The following SCAMP1 variants were observed in gnomAD, a reference collection of about 807,000 sequenced individuals.
SCAMP1 encodes secretory carrier membrane protein 1.
SCAMP1 carries 15 observed loss-of-function variants against 41.8 expected under a neutral mutation model. The ratio of observed to expected loss-of-function variants is 0.36; its 90% CI spans 0.24 to 0.55. SCAMP1 has a LOEUF of 0.55. Among genes scored for constraint, SCAMP1 ranks in the 20% least tolerant of loss-of-function variants. The pLI is 0.86. For missense variants in SCAMP1, 341 were observed against 412.6 expected (o/e 0.83, Z 1.50); for synonymous variants, 135 against 136.8 (o/e 0.99, Z 0.09).
intron 6 of SCAMP1, among the ~76,000 whole-genome samples, chr5:78,439,816 A>G (rs1456037304): frequency 1.3e-5 from 2 of 152,206 alleles, no homozygotes; most frequent in African/African-American, 4.8e-5. Context: ...GTGTTATACA[A>G]CTTGGTTCCA....
intron 6 of SCAMP1, among the ~76,000 whole-genome samples, chr5:78,442,118 G>T (rs1008612858): frequency 1.3e-5 from 2 of 151,978 alleles, no homozygotes; most frequent in Non-Finnish European, 2.9e-5. Context: ...GACATAGTAA[G>T]ACCTTGTCTC....
intron 8 of SCAMP1, among the ~76,000 whole-genome samples, chr5:78,466,806 G>T (rs16875431): frequency 0.035 from 5,372 of 152,242 alleles, 339 homozygotes; most frequent in African/African-American, 0.12. Flanking sequence ...GGGCCGAGCA[G>T]TCGTACTTGG....
intron 1 of SCAMP1, among the ~76,000 whole-genome samples, chr5:78,380,507 A>G (rs1300193359): frequency 6.6e-6 from 1 of 152,210 alleles, no homozygotes; most frequent in Non-Finnish European, 1.5e-5. Context: ...AAATGATTAA[A>G]TCAGTGTAGT....
At chr5:78,423,627 A>T (rs755472326) in intron 6 of SCAMP1, among the ~76,000 whole-genome samples, 42 of 151,874 alleles carry the variant, frequency 2.8e-4, no homozygotes, top group Admixed American at 1.2e-3. Context: ...AAAATAAATG[A>T]CTAAAAGCCA....
chr5:78,373,679 A>C (rs1750999181), intron 1 of SCAMP1, among the ~76,000 whole-genome samples: 1 of 152,124 alleles, frequency 6.6e-6, no homozygotes, highest in Non-Finnish European at 1.5e-5. Flanking sequence ...ACATGTTTTC[A>C]TGTAGTTCCT....
At chr5:78,425,585 C>G (rs1053054193) in intron 6 of SCAMP1, among the ~76,000 whole-genome samples, 1 of 152,022 alleles carries the variant, frequency 6.6e-6, no homozygotes, top group Non-Finnish European at 1.5e-5. Context: ...TGTGCAAATA[C>G]TTTTTTGGTA....
In SCAMP1 at chr5:78,480,167, A is replaced by G. The variant is rs1423843838; in HGVS notation, c.*4499A>G. On this transcript the variant is annotated 3_prime_UTR_variant, in exon 9 of 9. Transcript: ENST00000621999. ...TTTGTGTTTGTCCAAATCCTGATTTATTTTTCAGTTCATATCTTTCTGGGC... is the reference window on the plus strand; with the variant it reads ...TTTGTGTTTGTCCAAATCCTGATTTGTTTTTCAGTTCATATCTTTCTGGGC... 6.6e-6 allele frequency among the ~76,000 whole-genome samples: 1 copy of G among 152,124 alleles called. No individual in the cohort carries two copies. The highest frequency in any genetic ancestry group is 2.4e-5 in the African/African-American group (1 of 41,414).
rs536284150 is a variant in SCAMP1 at position 78,454,292 on chromosome 5, C to A, written c.734+4258C>A. Among the ~76,000 whole-genome samples, 308 of 152,292 alleles carry A rather than the reference C, an allele frequency of 2.0e-3. 1 individual carries two copies. The highest frequency in any genetic ancestry group is 6.9e-3 in the African/African-American group (286 of 41,552). On this transcript the variant is annotated intron_variant, in intron 7 of 8. Coordinates refer to ENST00000621999, the MANE Select transcript of SCAMP1 (RefSeq NM_004866.6). ...CAAAGGGAATGCTTCCAGTTCTTAC[C>A]CATTCAGTATGATATTGGCTGTGGG...
intron 6 of SCAMP1, among the ~76,000 whole-genome samples, chr5:78,435,274 A>G (rs1372204600): frequency 6.6e-6 from 1 of 152,144 alleles, no homozygotes; most frequent in Non-Finnish European, 1.5e-5. Context: ...CTAGGGTACA[A>G]GTGCACAACG....
chr5:78,383,272 C>CT (rs1440394671), intron 1 of SCAMP1, among the ~76,000 whole-genome samples: 1 of 151,962 alleles, frequency 6.6e-6, no homozygotes, highest in Non-Finnish European at 1.5e-5. Flanking sequence ...CCTTAGCCCA[C>CT]TTTTTGATGG....
rs1428741361 is a variant in SCAMP1, at chr5:78,421,968, G to A, written c.632+8G>A. The A allele has an allele frequency of 3.1e-6, 5 of 1,605,606 alleles. No homozygotes were observed. Among genetic ancestry groups the A allele is most frequent in the African/African-American group, 2.7e-5 (2 of 74,544 alleles). On this transcript the variant is annotated splice_region_variant and intron_variant, in intron 6 of 8. Coordinates refer to ENST00000621999, the MANE Select transcript of SCAMP1 (RefSeq NM_004866.6). ...ACTTTATGGAGCTTTCAGGTAAAAT[G>A]TGTGTACTTTAAAATACACTCTTTA...
intron 2 of SCAMP1, among the ~76,000 whole-genome samples, chr5:78,401,364 T>C (rs1483284032): frequency 6.6e-6 from 1 of 152,170 alleles, no homozygotes; most frequent in African/African-American, 2.4e-5. Context: ...AGGAAGTCTT[T>C]CTTTTGCTTC....
intron 1 of SCAMP1, among the ~76,000 whole-genome samples, chr5:78,387,641 A>G (rs1420888915): frequency 6.6e-6 from 1 of 152,114 alleles, no homozygotes; most frequent in South Asian, 2.1e-4. Flanking sequence ...CTTTTGTCCC[A>G]CGGGGTGCTC....
intron 8 of SCAMP1, among the ~76,000 whole-genome samples, chr5:78,465,289 A>C (rs1392276871): frequency 6.6e-6 from 1 of 152,202 alleles, no homozygotes; most frequent in African/African-American, 2.4e-5. Flanking sequence ...TGAGAAGAGC[A>C]AGAGTTTTGC....
chr5:78,396,531 G>GCAGTT (rs1751655983), intron 2 of SCAMP1, among the ~76,000 whole-genome samples: 1 of 152,192 alleles, frequency 6.6e-6, no homozygotes, highest in Non-Finnish European at 1.5e-5. Context: ...TGTTTAGTAA[G>GCAGTT]CAGTTGATTG....
rs1753920741 is a variant in SCAMP1, at chr5:78,472,948, A to G, written c.853-2556A>G. ...ATTGCTCTGGTTTGGTCTAGTAAGTAAAGAAGGTTGATAAGATTTCTATAA... is the reference window on the plus strand; with the variant it reads ...ATTGCTCTGGTTTGGTCTAGTAAGTGAAGAAGGTTGATAAGATTTCTATAA... On this transcript the variant is annotated intron_variant, in intron 8 of 8. Transcript: ENST00000621999. 2.0e-5 allele frequency among the ~76,000 whole-genome samples: 3 copies of G among 152,308 alleles called. No individual in the cohort carries two copies. In the South Asian group the frequency reaches 6.2e-4, roughly 32 times the overall value.
chr5:78,421,602 A>T (rs1752341046), intron 5 of SCAMP1, among the ~76,000 whole-genome samples, 199 bp from the exon 6 acceptor site: 1 of 152,204 alleles, frequency 6.6e-6, no homozygotes, highest in South Asian at 2.1e-4. Context: ...TACATGTATT[A>T]AGACTCGCTT....
At chr5:78,419,953 G>A (rs1467679607) in intron 5 of SCAMP1, among the ~76,000 whole-genome samples, 1 of 152,070 alleles carries the variant, frequency 6.6e-6, no homozygotes, top group Admixed American at 6.5e-5. Context: ...TTAAATGTCT[G>A]ATTCCATATA....
At chr5:78,390,764 A>G (rs977290630) in intron 2 of SCAMP1, among the ~76,000 whole-genome samples, 1 of 150,498 alleles carries the variant, frequency 6.6e-6, no homozygotes, top group African/African-American at 2.4e-5. Flanking sequence ...CAAGTGAACA[A>G]AGGTCTCTGG....
Sources: gnomAD v4.1 joint callset for allele counts (sites outside exome capture counted in the v4.1 genomes callset) on GRCh38, gnomAD v4.1.1 for gene constraint, MANE v1.5 for transcripts, NCBI Gene and HGNC (gene_info 2026-07-23, HGNC 2026-07-21) for gene names.